Variants in LRR1 observed in about 807,000 individuals in gnomAD.
The protein encoded by LRR1 is leucine-rich repeat protein 1.
Under a neutral mutation model 31.6 loss-of-function variants are expected in LRR1, and 29 were observed. That is an observed-to-expected ratio of 0.92 (90% CI 0.68 to 1.25). LRR1 has a LOEUF of 1.25. Ranked by LOEUF, LRR1 falls within the 50% of genes most tolerant of loss-of-function variation. LRR1 has a pLI of 0.00. For synonymous variants in LRR1, 179 were observed against 181.4 expected, an observed-to-expected ratio of 0.99 and a Z score of 0.10; for missense variants, 485 against 487.2, an observed-to-expected ratio of 1.00 and a Z score of 0.04.
At chr14:49,602,230 C>A in intron 1 of LRR1, 140 bp from the exon 2 acceptor site, 103 of 319,086 alleles carry the variant, frequency 3.2e-4, no homozygotes, top group Middle Eastern at 5.4e-4. Flanking sequence ...AGCTTTAAAA[C>A]TTAAAATGAA....
chr14:49,609,696 C>T (rs533692580), intron 3 of LRR1, among the ~76,000 whole-genome samples: 11 of 151,016 alleles, frequency 7.3e-5, no homozygotes, highest in South Asian at 2.1e-4. Context: ...TGTGAGCCAC[C>T]GCGCCTGGCC....
chr14:49,614,117 T>A (rs553881781), intron 3 of LRR1, 139 bp from the exon 4 acceptor site: 41 of 813,666 alleles, frequency 5.0e-5, no homozygotes, highest in Middle Eastern at 3.8e-4. Context: ...CAATATGTCA[T>A]ATATTGTTTT....
intron 2 of LRR1, chr14:49,603,659 C>T: frequency 1.0e-6 from 1 of 1,002,216 alleles, no homozygotes; most frequent in African/African-American, 1.9e-5. Flanking sequence ...TCTACTGTGC[C>T]TGGCCCTTAC....
chr14:49,614,281 C>T lies in LRR1; in HGVS notation c.1030C>T (p.Pro344Ser). The T allele has an allele frequency of 6.2e-7, 1 of 1,613,182 alleles. No individual in the cohort carries two copies. Among genetic ancestry groups the T allele is most frequent in the Non-Finnish European group, 8.5e-7 (1 of 1,179,794 alleles). The change falls in exon 4 of 4, where the codon CCA (proline) becomes TCA (serine). Residue 344 changes from proline (P) to serine (S), a missense_variant. Pro to Ser is a moderately conservative substitution (Grantham distance 74). Coordinates refer to ENST00000298288, the MANE Select transcript of LRR1 (RefSeq NM_152329.4). ...NRIPYGSHIIPFHLCQDLDTA... is the reference protein window; with the variant it reads ...NRIPYGSHIISFHLCQDLDTA... Reference sequence around the variant, plus strand: ...GATTCCATATGGCTCTCATATCATTCCATTCCATCTCTGCCAAGATTTGGA... The same window carrying T: ...GATTCCATATGGCTCTCATATCATTTCATTCCATCTCTGCCAAGATTTGGA...
rs777495090 is a variant in LRR1 at position 49,607,631 on chromosome 14, C to T, written c.514C>T (p.Arg172Cys). 1.1e-5 allele frequency: 17 copies of T among 1,614,024 alleles called. No homozygotes were observed. Among genetic ancestry groups the T allele is most frequent in the South Asian group, 4.4e-5 (4 of 91,088 alleles). The change falls in exon 3 of 4, where the codon CGT becomes TGT. Residue 172 changes from arginine (R) to cysteine (C), a missense_variant. Physicochemically the swap from Arg to Cys is radical, Grantham distance 180. Coordinates refer to ENST00000298288, the MANE Select transcript of LRR1 (RefSeq NM_152329.4). ...SYCGLVRVDMRMLCLKSLRKL... is the reference protein window; with the variant it reads ...SYCGLVRVDMCMLCLKSLRKL... The stretch of plus-strand genomic sequence containing the variant: ...CTGTGGGCTTGTCCGAGTTGATATG[C>T]GTATGCTTTGCTTAAAAAGCCTTAG...
chr14:49,608,966 T>C (rs191605404), intron 3 of LRR1, among the ~76,000 whole-genome samples: 127 of 132,038 alleles, frequency 9.6e-4, no homozygotes, highest in African/African-American at 2.8e-3. Flanking sequence ...TGGAGTGCAG[T>C]GGTGCGAAGC....
intron 3 of LRR1, chr14:49,612,634 GT>G: frequency 9.6e-7 from 1 of 1,041,724 alleles, no homozygotes; most frequent in Non-Finnish European, 1.2e-6. Flanking sequence ...GGTAACCGCT[GT>G]TTTTTTATTT....
In LRR1 at chr14:49,607,391, T is replaced by C; in HGVS notation, c.283-9T>C. 6.5e-7 allele frequency: 1 copy of C among 1,535,574 alleles called. No individual in the cohort carries two copies. Among genetic ancestry groups the C allele is most frequent in the Non-Finnish European group, 8.7e-7 (1 of 1,145,326 alleles). The stretch of plus-strand genomic sequence containing the variant: ...GGAATTTATAATTCTACAACTTTTA[T>C]TTATTCAGGCCATTTCCAGCAGTTT... On this transcript the variant is annotated splice_polypyrimidine_tract_variant and intron_variant, in intron 2 of 3. Transcript: ENST00000298288.
intron 1 of LRR1, chr14:49,600,011 C>T: frequency 1.2e-6 from 2 of 1,607,600 alleles, no homozygotes; most frequent in Non-Finnish European, 1.7e-6. Flanking sequence ...ACGGGCCCGG[C>T]GCGCTGATGC....
intron 3 of LRR1, 96 bp from the exon 4 acceptor site, chr14:49,614,160 A>G: frequency 7.9e-7 from 1 of 1,263,240 alleles, no homozygotes; most frequent in Non-Finnish European, 1.1e-6. Context: ...ATCGCTTAAT[A>G]ATTTTACTTT....
intron 2 of LRR1, 86 bp downstream of exon 2, chr14:49,602,554 T>G: frequency 8.9e-7 from 1 of 1,122,476 alleles, no homozygotes; most frequent in Non-Finnish European, 1.3e-6. Context: ...TCACCCAAGC[T>G]GAAGTACAGA....
intron 3 of LRR1, among the ~76,000 whole-genome samples, chr14:49,613,191 T>C (rs1316091313): frequency 6.6e-6 from 1 of 151,528 alleles, no homozygotes; most frequent in Non-Finnish European, 1.5e-5. Context: ...TACAAAAAAT[T>C]AGCCAGGCGT....
At position 49,614,480 on chromosome 14, in the gene LRR1, C is replaced by T; in HGVS notation, c.1229C>T (p.Ser410Phe). 1 of 1,613,732 alleles carries T rather than the reference C, an allele frequency of 6.2e-7. No individual in the cohort carries two copies. Among genetic ancestry groups the T allele is most frequent in the Non-Finnish European group, 8.5e-7 (1 of 1,179,794 alleles). The change falls in exon 4 of 4, where the codon TCT becomes TTT. Residue 410 changes from serine (S) to phenylalanine (F), a missense_variant. This residue lies in a region of LRR1 where 210 missense variants were observed against 200.4 expected (regional missense o/e 1.05). Coordinates refer to ENST00000298288, the MANE Select transcript of LRR1 (RefSeq NM_152329.4). ...FCSLGCYVNS[S>F]DMLK ...TCTCTAGGCTGTTATGTTAATTCCT[C>T]TGATATGTTAAAGTAATGGGTGAGA... is the stretch of plus-strand genomic sequence containing the variant.
At chr14:49,612,735 T>C (rs1882557836) in intron 3 of LRR1, 1 of 705,552 alleles carries the variant, frequency 1.4e-6, no homozygotes, top group Admixed American at 5.2e-5. Context: ...TTGAAAAATA[T>C]CTGAGCACCT....
At chr14:49,603,523 CTTTTTTTTT>C (rs752524533) in intron 2 of LRR1, 28 of 99,072 alleles carry the variant, frequency 2.8e-4, no homozygotes, top group South Asian at 1.4e-3. Flanking sequence ...TCTTCTTCTT[CTTTTTTTTT>C]TTTTTTTTTT....
At chr14:49,603,643 T>G in intron 2 of LRR1, 1 of 1,048,356 alleles carries the variant, frequency 9.5e-7, no homozygotes, top group Non-Finnish European at 1.2e-6. Context: ...TCCTGGCGAA[T>G]TTTTGTCTAC....
chr14:49,613,361 C>T (rs1201109556), intron 3 of LRR1, among the ~76,000 whole-genome samples: 3 of 151,458 alleles, frequency 2.0e-5, no homozygotes, highest in African/African-American at 4.9e-5. Context: ...AAAAATTAGC[C>T]GGGAATGTTG....
intron 2 of LRR1, chr14:49,603,523 CTTTTTTTTTT>C: frequency 1.6e-4 from 15 of 93,044 alleles, no homozygotes; most frequent in South Asian, 1.1e-3. Flanking sequence ...TCTTCTTCTT[CTTTTTTTTTT>C]TTTTTTTTTT....
chr14:49,614,427 T>G lies in LRR1; in HGVS notation c.1176T>G (p.Thr392=). 1 of 1,614,044 alleles carries G rather than the reference T, an allele frequency of 6.2e-7. No individual in the cohort carries two copies. The highest frequency in any genetic ancestry group is 8.5e-7 in the Non-Finnish European group (1 of 1,179,942). Residue 392 remains threonine, a synonymous_variant, in exon 4 of 4, where the codon ACT becomes ACG. Transcript: ENST00000298288. ...TVVLVDNLGG[T]EAPIISYFCS... The stretch of plus-strand genomic sequence containing the variant: ...TCTTAGTAGATAATTTGGGTGGTAC[T>G]GAAGCACCTATTATCTCTTATTTCT...
Sources: allele counts gnomAD v4.1 joint callset (sites outside exome capture counted in the v4.1 genomes callset), GRCh38; gene constraint gnomAD v4.1.1; regional missense constraint gnomAD v4.1.1; transcripts MANE v1.5; gene names NCBI Gene and HGNC (gene_info 2026-07-23, HGNC 2026-07-21).